Variants in ITPKB observed in about 807,000 individuals in gnomAD.
ITPKB encodes IP3 3-kinase B.
In ITPKB, 13 loss-of-function variants were observed where a neutral mutation model predicts 69.4. The ratio of observed to expected loss-of-function variants is 0.19; its 90% CI spans 0.12 to 0.30. The LOEUF (loss-of-function observed/expected upper bound fraction) is 0.30. Ranked by LOEUF, ITPKB falls within the 10% of genes least tolerant of loss-of-function variation. The pLI is 1.00. For missense variants in ITPKB, 1,240 were observed against 1,250.5 expected (o/e 0.99, Z 0.13); for synonymous variants, 584 against 513.7 (o/e 1.14, Z -1.85).
At chr1:226,669,717 G>A (rs1669574235) in intron 2 of ITPKB, among the ~76,000 whole-genome samples, 1 of 152,136 alleles carries the variant, frequency 6.6e-6, no homozygotes, top group African/African-American at 2.4e-5. Context: ...GAAGGGTTAA[G>A]TTTTATATAC....
intron 2 of ITPKB, among the ~76,000 whole-genome samples, chr1:226,660,936 G>A (rs753953171): frequency 6.6e-6 from 1 of 152,226 alleles, no homozygotes; most frequent in Non-Finnish European, 1.5e-5. Context: ...CCCGCCCTGC[G>A]CTCATCCACT....
chr1:226,714,827 T>A (rs1657057202), intron 2 of ITPKB, among the ~76,000 whole-genome samples: 1 of 152,066 alleles, frequency 6.6e-6, no homozygotes, highest in African/African-American at 2.4e-5. Context: ...CAGTACAGAG[T>A]GGTGGGCACA....
chr1:226,667,861 C>A (rs535712859), intron 2 of ITPKB, among the ~76,000 whole-genome samples: 2 of 108,726 alleles, frequency 1.8e-5, no homozygotes, highest in African/African-American at 7.7e-5. Context: ...TGTGCGCGCG[C>A]GCGTGCGAAG....
intron 7 of ITPKB, among the ~76,000 whole-genome samples, chr1:226,635,878 TCA>T (rs368299206): frequency 4.6e-5 from 7 of 152,336 alleles, no homozygotes; most frequent in African/African-American, 1.7e-4. Context: ...TACCCCTGCA[TCA>T]CCTCAGTGGG....
In ITPKB at chr1:226,665,616, C is replaced by T. The variant is rs565217568; in HGVS notation, c.1933-16845G>A. Among the ~76,000 whole-genome samples the T allele has an allele frequency of 6.6e-5, 10 of 152,264 alleles. No individual in the cohort carries two copies. The East Asian group carries it at 1.7e-3, about 26-fold the overall frequency. On this transcript the variant is annotated intron_variant, in intron 2 of 7. Coordinates refer to ENST00000429204, the MANE Select transcript of ITPKB (RefSeq NM_002221.4). ...ACGACAGATCACACAAAAGCTACCT[C>T]GGTGGTCACCGGCGGGGGCTGAGAT... is the stretch of plus-strand genomic sequence containing the variant.
At chr1:226,702,330 G>A (rs1402893429) in intron 2 of ITPKB, among the ~76,000 whole-genome samples, 5 of 151,740 alleles carry the variant, frequency 3.3e-5, no homozygotes, top group Non-Finnish European at 7.4e-5. Context: ...CCAGGGGGGC[G>A]GAAGTTGCAG....
At chr1:226,644,382 C>A (rs1396864103) in intron 4 of ITPKB, among the ~76,000 whole-genome samples, 1 of 152,164 alleles carries the variant, frequency 6.6e-6, no homozygotes, top group Non-Finnish European at 1.5e-5. Context: ...GGAGGGGACT[C>A]AAGATCAGGT....
chr1:226,647,470 G>A, intron 3 of ITPKB, 90 bp from the exon 4 acceptor site: 8 of 912,910 alleles, frequency 8.8e-6, no homozygotes, highest in Non-Finnish European at 1.4e-5. Context: ...GCCTCCCTGG[G>A]GATGGCTAAG....
At chr1:226,666,513 C>T (rs146972737) in intron 2 of ITPKB, among the ~76,000 whole-genome samples, 2 of 152,270 alleles carry the variant, frequency 1.3e-5, no homozygotes, top group East Asian at 3.9e-4. Context: ...TCTAATGGGA[C>T]CATGCTGAAC....
chr1:226,691,310 G>T (rs1219676686), intron 2 of ITPKB, among the ~76,000 whole-genome samples: 2 of 151,892 alleles, frequency 1.3e-5, no homozygotes, highest in Non-Finnish European at 1.5e-5. Flanking sequence ...CAAACTCTGG[G>T]CACATGCATA....
At chr1:226,705,240 T>C (rs186393768) in intron 2 of ITPKB, among the ~76,000 whole-genome samples, 1 of 152,196 alleles carries the variant, frequency 6.6e-6, no homozygotes, top group Non-Finnish European at 1.5e-5. Flanking sequence ...AACATACAAC[T>C]TGATGTCGGT....
intron 2 of ITPKB, among the ~76,000 whole-genome samples, chr1:226,701,158 T>C (rs1186187264): frequency 1.3e-5 from 2 of 152,222 alleles, no homozygotes; most frequent in African/African-American, 4.8e-5. Context: ...GCAGGGTCTG[T>C]GTGAGCCGCA....
chr1:226,727,551 A>G (rs1657462377), intron 2 of ITPKB, among the ~76,000 whole-genome samples: 1 of 152,218 alleles, frequency 6.6e-6, no homozygotes, highest in South Asian at 2.1e-4. Context: ...CACTGGTAAT[A>G]TAAAATGTGT....
chr1:226,707,892 AG>A, intron 2 of ITPKB: 3 of 1,329,646 alleles, frequency 2.3e-6, no homozygotes, highest in East Asian at 9.9e-5. Flanking sequence ...AGTACCACTG[AG>A]GGGAACACTT....
chr1:226,736,461 A>G lies in ITPKB; in HGVS notation c.998T>C (p.Leu333Pro). Residue 333 changes from leucine to proline, a missense_variant, in exon 2 of 8, where the codon CTT becomes CCT. This residue lies in a region of ITPKB where 992 missense variants were observed against 853.8 expected (regional missense o/e 1.16). Coordinates refer to ENST00000429204, the MANE Select transcript of ITPKB (RefSeq NM_002221.4). ...GGCCTCTGGGGGCTGCAGGTCCTCA[A>G]GCTCACGGGCTCTCCCAGACGGCTC... ...LTEPSGRARE[L>P]EDLQPPEALV... 6.2e-7 allele frequency: 1 copy of G among 1,613,770 alleles called. No homozygotes were observed. Among genetic ancestry groups the G allele is most frequent in the Non-Finnish European group, 8.5e-7 (1 of 1,180,012 alleles).
Position 226,737,430 on chromosome 1 carries a change from C to T in ITPKB, c.29G>A (p.Ser10Asn). Residue 10 changes from serine to asparagine, a missense_variant, in exon 2 of 8, where the codon AGC becomes AAC. Ser to Asn is a conservative substitution (Grantham distance 46, BLOSUM62 1). This residue lies in a region of ITPKB where 992 missense variants were observed against 853.8 expected (regional missense o/e 1.16). Coordinates refer to ENST00000429204, the MANE Select transcript of ITPKB (RefSeq NM_002221.4). Reference protein sequence around the residue: MAVYCYALNSLVIMNSANEM... With the variant: MAVYCYALNNLVIMNSANEM... ...GTTGGCGCTATTCATGATCACCAGGCTATTGAGCGCATAGCAGTACACAGC... is the reference window on the plus strand; with the variant it reads ...GTTGGCGCTATTCATGATCACCAGGTTATTGAGCGCATAGCAGTACACAGC... 1 of 1,611,406 alleles carries T rather than the reference C, an allele frequency of 6.2e-7. No homozygotes were observed. Among genetic ancestry groups the T allele is most frequent in the Non-Finnish European group, 8.5e-7 (1 of 1,179,580 alleles).
Position 226,739,199 on chromosome 1 carries a change from C to G in ITPKB, c.-364G>C, listed in dbSNP as rs6703081. 3.9e-5 allele frequency: 6 copies of G among 152,170 alleles called. No individual in the cohort carries two copies. The highest frequency in any genetic ancestry group is 3.3e-4 in the Admixed American group (5 of 15,286). The allele number at this position is 152,170 out of a possible 1,614,324, so 9.4% of individuals were successfully genotyped here. On this transcript the variant is annotated 5_prime_UTR_variant, in exon 1 of 8. Coordinates refer to ENST00000429204, the MANE Select transcript of ITPKB (RefSeq NM_002221.4). ...GGAGTGCGAAAGAGGGGGGAAAGCTCTTCGGTTCAGGGGCCCGGCGATCCC... is the reference window on the plus strand; with the variant it reads ...GGAGTGCGAAAGAGGGGGGAAAGCTGTTCGGTTCAGGGGCCCGGCGATCCC...
chr1:226,649,733 CAGAG>C (rs1392219401), intron 2 of ITPKB, among the ~76,000 whole-genome samples: 4 of 151,852 alleles, frequency 2.6e-5, no homozygotes, highest in Non-Finnish European at 5.9e-5. Context: ...GCCTGAGCCT[CAGAG>C]AGGTAAATGA....
chr1:226,720,794 A>G lies in ITPKB; in HGVS notation c.1932+14733T>C, dbSNP rs558166882. 5.3e-5 allele frequency among the ~76,000 whole-genome samples: 8 copies of G among 151,756 alleles called. No homozygotes were observed. In the South Asian group the frequency reaches 1.7e-3, roughly 32 times the overall value. On this transcript the variant is annotated intron_variant, in intron 2 of 7. Transcript: ENST00000429204. ...CGGCCGGGCGTGGTGGCTCATGCCTATAATCCCAGCACTTTGGGAGGCCGA... is the reference window on the plus strand; with the variant it reads ...CGGCCGGGCGTGGTGGCTCATGCCTGTAATCCCAGCACTTTGGGAGGCCGA...
Sources: gnomAD v4.1 joint callset for allele counts (sites outside exome capture counted in the v4.1 genomes callset) on GRCh38, gnomAD v4.1.1 for gene constraint, gnomAD v4.1.1 regional missense constraint, MANE v1.5 for transcripts, NCBI Gene and HGNC (gene_info 2026-07-23, HGNC 2026-07-21) for gene names.